The following ZBTB20 variants were observed in gnomAD, a reference collection of about 807,000 sequenced individuals.
ZBTB20 encodes zinc finger and BTB domain-containing protein 20.
In ZBTB20, 9 loss-of-function variants were observed where a neutral mutation model predicts 56.9. That is an observed-to-expected ratio of 0.16 (90% confidence interval 0.10 to 0.28). The LOEUF (loss-of-function observed/expected upper bound fraction) is 0.28. Among genes scored for constraint, ZBTB20 ranks in the 10% least tolerant of loss-of-function variants. ZBTB20 has a pLI of 1.00. For missense variants in ZBTB20, 655 were observed against 1,003.0 expected (o/e 0.65, Z 4.69); for synonymous variants, 417 against 420.7 (o/e 0.99, Z 0.11).
chr3:114,720,482 T>C (rs1426868946), intron 5 of ZBTB20, among the ~76,000 whole-genome samples: 3 of 152,046 alleles, frequency 2.0e-5, no homozygotes, highest in African/African-American at 2.4e-5. Flanking sequence ...GGAAATAGAA[T>C]CCATTAGTAG....
chr3:114,951,919 T>C (rs1330472825), intron 3 of ZBTB20, among the ~76,000 whole-genome samples: 6 of 151,618 alleles, frequency 4.0e-5, no homozygotes, highest in Non-Finnish European at 8.8e-5. Context: ...AACTCAAAAA[T>C]AAAATTTTAA....
chr3:115,130,316 T>C (rs2084467217), intron 1 of ZBTB20, among the ~76,000 whole-genome samples: 1 of 152,228 alleles, frequency 6.6e-6, no homozygotes, highest in African/African-American at 2.4e-5. Context: ...ATCAATCAAC[T>C]TCTATGTGCA....
At chr3:114,696,601 C>T (rs2063032021) in intron 5 of ZBTB20, among the ~76,000 whole-genome samples, 1 of 152,006 alleles carries the variant, frequency 6.6e-6, no homozygotes, top group Non-Finnish European at 1.5e-5. Flanking sequence ...CAAAAAATCC[C>T]TCCAACCTCC....
intron 6 of ZBTB20, among the ~76,000 whole-genome samples, chr3:114,645,240 T>G (rs1302325005): frequency 6.6e-6 from 1 of 152,158 alleles, no homozygotes; most frequent in Non-Finnish European, 1.5e-5. Flanking sequence ...TATATTTTTG[T>G]GTAAATTATA....
intron 6 of ZBTB20, among the ~76,000 whole-genome samples, chr3:114,555,039 A>T (rs1243629422): frequency 2.0e-5 from 3 of 152,170 alleles, no homozygotes; most frequent in Non-Finnish European, 4.4e-5. Context: ...AAAACTAGAG[A>T]CAGAGAAGTG....
chr3:114,518,074 G>A (rs905218731), intron 6 of ZBTB20, among the ~76,000 whole-genome samples: 3 of 152,124 alleles, frequency 2.0e-5, no homozygotes, highest in African/African-American at 4.8e-5. Flanking sequence ...GATCACCTGG[G>A]TCAGAGGACT....
intron 6 of ZBTB20, among the ~76,000 whole-genome samples, chr3:114,571,664 T>G (rs1012615175): frequency 2.0e-5 from 3 of 152,102 alleles, no homozygotes; most frequent in East Asian, 3.9e-4. Flanking sequence ...AAGGCTGAGA[T>G]GGAGTCATGA....
rs144578149 is a variant in ZBTB20 at position 115,078,569 on chromosome 3, T to C, written c.-702-7155A>G. Among the ~76,000 whole-genome samples the C allele has an allele frequency of 4.3e-3, 650 of 150,206 alleles. 3 individuals are homozygous for C. Among genetic ancestry groups the C allele is most frequent in the African/African-American group, 0.014 (586 of 40,934 alleles). ...CATATTTCATACATTTTAGTCTAAG[T>C]ATAGAACAACATTATCAGTAAGAAT... On this transcript the variant is annotated intron_variant, in intron 1 of 11. Coordinates refer to ENST00000675478, the MANE Select transcript of ZBTB20 (RefSeq NM_001348800.3).
chr3:114,836,119 T>C (rs776156750), intron 4 of ZBTB20, among the ~76,000 whole-genome samples: 5 of 152,200 alleles, frequency 3.3e-5, no homozygotes, highest in Non-Finnish European at 7.3e-5. Flanking sequence ...GGGCAAGACA[T>C]GATTAGAAGC....
chr3:114,861,035 T>C (rs1406699664), intron 4 of ZBTB20, among the ~76,000 whole-genome samples: 1 of 152,228 alleles, frequency 6.6e-6, no homozygotes, highest in Non-Finnish European at 1.5e-5. Flanking sequence ...AGTACTTCTT[T>C]GCTGATACAC....
In ZBTB20 at chr3:114,399,021, C is replaced by T. The variant is rs942169900; in HGVS notation, c.-254-9916G>A. Among the ~76,000 whole-genome samples the T allele has an allele frequency of 5.9e-5, 9 of 152,216 alleles. No individual in the cohort carries two copies. The East Asian group carries it at 7.7e-4, about 13-fold the overall frequency. On this transcript the variant is annotated intron_variant, in intron 7 of 11. Transcript: ENST00000675478. ...TACAACAGCGCAGGGCAGGTTGTCTCGGGCTAGTGTGTAATAACTAGATGT... is the reference window on the plus strand; with the variant it reads ...TACAACAGCGCAGGGCAGGTTGTCTTGGGCTAGTGTGTAATAACTAGATGT...
intron 7 of ZBTB20, among the ~76,000 whole-genome samples, chr3:114,396,736 T>C (rs2086366621): frequency 6.6e-6 from 1 of 152,320 alleles, no homozygotes; most frequent in Non-Finnish European, 1.5e-5. Flanking sequence ...TTCTTCTTCA[T>C]GGCTCTCTCA....
intron 4 of ZBTB20, among the ~76,000 whole-genome samples, chr3:114,814,427 T>C (rs2072778950): frequency 1.3e-5 from 2 of 152,256 alleles, no homozygotes; most frequent in South Asian, 4.1e-4. Flanking sequence ...CTAAATTTAC[T>C]ATATGATACC....
At chr3:114,614,290 T>C (rs955042415) in intron 6 of ZBTB20, among the ~76,000 whole-genome samples, 1 of 152,196 alleles carries the variant, frequency 6.6e-6, no homozygotes, top group Non-Finnish European at 1.5e-5. Context: ...AATGAGAGTA[T>C]TGGGGTAACA....
chr3:114,369,943 G>A (rs1014198376), intron 10 of ZBTB20, among the ~76,000 whole-genome samples: 2 of 152,170 alleles, frequency 1.3e-5, no homozygotes, highest in Non-Finnish European at 2.9e-5. Context: ...GTTACTGAGG[G>A]TAAGGAACTG....
chr3:114,370,861 T>C (rs988460924), intron 10 of ZBTB20, among the ~76,000 whole-genome samples: 7 of 152,214 alleles, frequency 4.6e-5, no homozygotes, highest in Non-Finnish European at 8.8e-5. Context: ...TCATCTTTAC[T>C]TGATACCTTG....
chr3:114,444,478 T>C (rs1358215795), intron 7 of ZBTB20, among the ~76,000 whole-genome samples: 1 of 152,158 alleles, frequency 6.6e-6, no homozygotes, highest in African/African-American at 2.4e-5. Flanking sequence ...TCTGGTTTCT[T>C]CCACTTCTTC....
intron 6 of ZBTB20, among the ~76,000 whole-genome samples, chr3:114,651,752 G>A (rs114885158): frequency 0.058 from 8,777 of 152,004 alleles, 335 homozygotes; most frequent in Middle Eastern, 0.15. Flanking sequence ...GTGAACACGA[G>A]CAGTGAACAC....
intron 4 of ZBTB20, among the ~76,000 whole-genome samples, chr3:114,825,742 A>G (rs757999056): frequency 7.1e-4 from 108 of 152,002 alleles, no homozygotes; most frequent in Non-Finnish European, 6.9e-4. Context: ...CTATTGGTTC[A>G]GCACATCAGT....
Sources: allele counts gnomAD v4.1 joint callset (sites outside exome capture counted in the v4.1 genomes callset), GRCh38; gene constraint gnomAD v4.1.1; transcripts MANE v1.5; gene names NCBI Gene and HGNC (gene_info 2026-07-23, HGNC 2026-07-21).